Variants in GRIK3 observed in about 807,000 individuals in gnomAD.
GRIK3 encodes the protein glutamate receptor ionotropic, kainate 3.
GRIK3 carries 29 observed loss-of-function variants against 102.5 expected under a neutral mutation model. The observed-to-expected ratio is 0.28, with a 90% CI of 0.21 to 0.39. The LOEUF (loss-of-function observed/expected upper bound fraction) is 0.39. Among genes scored for constraint, GRIK3 ranks in the 10% least tolerant of loss-of-function variants. The probability of loss-of-function intolerance (pLI) is 1.00; values close to 1 mark genes in which losing one functional copy is unlikely to be tolerated. For synonymous variants in GRIK3, 511 were observed against 504.9 expected (o/e 1.01, Z -0.16); for missense variants, 908 against 1,252.4 (o/e 0.73, Z 4.15).
intron 5 of GRIK3, among the ~76,000 whole-genome samples, chr1:36,863,517 A>C (rs1042969455): frequency 6.6e-6 from 1 of 151,546 alleles, no homozygotes; most frequent in Non-Finnish European, 1.5e-5. Context: ...TCAGGCCTTA[A>C]TTTTCCCAGT....
At chr1:36,940,588 G>A (rs1005813204) in intron 1 of GRIK3, among the ~76,000 whole-genome samples, 5 of 152,184 alleles carry the variant, frequency 3.3e-5, no homozygotes, top group African/African-American at 9.7e-5. Flanking sequence ...ATAACACTAC[G>A]AGTCTTGCTG....
intron 3 of GRIK3, among the ~76,000 whole-genome samples, chr1:36,879,995 G>A (rs1037715775): frequency 1.3e-5 from 2 of 152,184 alleles, no homozygotes; most frequent in Non-Finnish European, 2.9e-5. Flanking sequence ...TGTGGGTAGA[G>A]AAGAGTGTGT....
chr1:37,014,014 C>T (rs770563989), intron 1 of GRIK3, among the ~76,000 whole-genome samples: 1 of 152,206 alleles, frequency 6.6e-6, no homozygotes, highest in Non-Finnish European at 1.5e-5. Context: ...ACCTCAAGGC[C>T]TCATACGCTC....
At chr1:36,895,406 A>T (rs1459904812) in intron 1 of GRIK3, among the ~76,000 whole-genome samples, 1 of 152,162 alleles carries the variant, frequency 6.6e-6, no homozygotes, top group African/African-American at 2.4e-5. Flanking sequence ...ATGCAAGAAC[A>T]GATAGGCAAA....
chr1:36,810,227 C>T lies in GRIK3; in HGVS notation c.2092-3901G>A, dbSNP rs1054592471. Among the ~76,000 whole-genome samples the T allele has an allele frequency of 2.0e-5, 3 of 152,098 alleles. No homozygotes were observed. In the South Asian group the frequency reaches 6.2e-4, roughly 32 times the overall value. On this transcript the variant is annotated intron_variant, in intron 13 of 15. Transcript: ENST00000373091. ...TCTCTGGGAGAGTTCCCATCACAGGCCTGAGTTCCCATCACTGGCCAGAGC... is the reference window on the plus strand; with the variant it reads ...TCTCTGGGAGAGTTCCCATCACAGGTCTGAGTTCCCATCACTGGCCAGAGC...
Position 36,798,763 on chromosome 1 carries a change from G to T in GRIK3, c.*3088C>A, listed in dbSNP as rs926345618. 1 of 152,234 alleles carries T rather than the reference G, an allele frequency of 6.6e-6. No individual in the cohort carries two copies. The highest frequency in any genetic ancestry group is 1.5e-5 in the Non-Finnish European group (1 of 68,046). 9.4% of individuals were successfully genotyped at this position (152,234 alleles called of 1,614,324 possible). A position where few individuals can be genotyped will look rare whatever the true frequency, so the allele number is the denominator to read the frequency against. The stretch of plus-strand genomic sequence containing the variant: ...CACACCGACAACACCTGAACATCAG[G>T]ACGCAAGGTTTGCCTGGGAGAGGAG... On this transcript the variant is annotated 3_prime_UTR_variant, in exon 16 of 16. Transcript: ENST00000373091.
chr1:36,814,954 C>A (rs1258456070), intron 13 of GRIK3, among the ~76,000 whole-genome samples: 1 of 152,170 alleles, frequency 6.6e-6, no homozygotes, highest in Non-Finnish European at 1.5e-5. Context: ...TGTCCAAGCA[C>A]AAATACACAC....
intron 5 of GRIK3, among the ~76,000 whole-genome samples, chr1:36,863,526 G>T (rs1441172016): frequency 1.3e-5 from 2 of 151,954 alleles, no homozygotes; most frequent in Non-Finnish European, 2.9e-5. Flanking sequence ...AATTTTCCCA[G>T]TCTCGCTGGC....
intron 11 of GRIK3, among the ~76,000 whole-genome samples, chr1:36,822,268 CA>C (rs1482823507): frequency 1.3e-5 from 2 of 152,332 alleles, no homozygotes; most frequent in African/African-American, 2.4e-5. Flanking sequence ...GATGAAGTTC[CA>C]GGGGTGGAAC....
chr1:37,004,856 C>G (rs1642515679), intron 1 of GRIK3, among the ~76,000 whole-genome samples: 1 of 152,206 alleles, frequency 6.6e-6, no homozygotes, highest in African/African-American at 2.4e-5. Context: ...CCGCTGTGTT[C>G]CCACCTGCAG....
Position 36,798,667 on chromosome 1 carries a change from C to A in GRIK3, c.*3184G>T. On this transcript the variant is annotated 3_prime_UTR_variant, in exon 16 of 16. Coordinates refer to ENST00000373091, the MANE Select transcript of GRIK3 (RefSeq NM_000831.4). The stretch of plus-strand genomic sequence containing the variant: ...GCTCATGCTTGGGCAGCTGTGGTCC[C>A]CACTGCACTTTGAACACTAGGCTGG... 6.6e-6 allele frequency: 1 copy of A among 152,368 alleles called. No homozygotes were observed. 9.4% of individuals were successfully genotyped at this position (152,368 alleles called of 1,614,324 possible). A position where few individuals can be genotyped will look rare whatever the true frequency, so the allele number is the denominator to read the frequency against.
intron 1 of GRIK3, among the ~76,000 whole-genome samples, chr1:36,987,665 T>C (rs1055174990): frequency 5.9e-5 from 9 of 152,086 alleles, no homozygotes; most frequent in African/African-American, 1.7e-4. Context: ...CCATGGACTC[T>C]TGGGTGCTTG....
rs1196889592 is a variant in GRIK3 at position 36,800,505 on chromosome 1, C to T, written c.*1346G>A. ...TACTTCTCTGCTGTCTTCCCCAAGCCCCACAATGCCATAGCTGCTCTGGAC... is the reference window on the plus strand; with the variant it reads ...TACTTCTCTGCTGTCTTCCCCAAGCTCCACAATGCCATAGCTGCTCTGGAC... On this transcript the variant is annotated 3_prime_UTR_variant, in exon 16 of 16. Coordinates refer to ENST00000373091, the MANE Select transcript of GRIK3 (RefSeq NM_000831.4). The T allele has an allele frequency of 1.3e-5, 2 of 152,298 alleles. No individual in the cohort carries two copies. Among genetic ancestry groups the T allele is most frequent in the Non-Finnish European group, 2.9e-5 (2 of 68,088 alleles). 9.4% of individuals were successfully genotyped at this position (152,298 alleles called of 1,614,324 possible). A position where few individuals can be genotyped will look rare whatever the true frequency, so the allele number is the denominator to read the frequency against.
intron 1 of GRIK3, among the ~76,000 whole-genome samples, chr1:37,011,204 C>T (rs1642593112): frequency 6.6e-6 from 1 of 152,156 alleles, no homozygotes; most frequent in Non-Finnish European, 1.5e-5. Flanking sequence ...GGGTAAGATG[C>T]TAGACCTAAA....
intron 1 of GRIK3, among the ~76,000 whole-genome samples, chr1:36,916,897 G>T (rs960463034): frequency 6.6e-6 from 1 of 152,222 alleles, no homozygotes; most frequent in Non-Finnish European, 1.5e-5. Flanking sequence ...ACCTAGTGGA[G>T]CTATGAGAAG....
Position 36,873,917 on chromosome 1 carries a change from C to G in GRIK3, c.551-1548G>C, listed in dbSNP as rs77429386. On this transcript the variant is annotated intron_variant, in intron 3 of 15. Transcript: ENST00000373091. ...AAGTCCAGGGTCCCCACGTAGACCTCGAGAAGGATTCCACCAGGACAGATG... is the reference window on the plus strand; with the variant it reads ...AAGTCCAGGGTCCCCACGTAGACCTGGAGAAGGATTCCACCAGGACAGATG... Among the ~76,000 whole-genome samples, 153 of 152,238 alleles carry G rather than the reference C, an allele frequency of 1.0e-3. 2 individuals are homozygous for G. Among genetic ancestry groups the G allele is most frequent in the Admixed American group, 7.5e-3 (115 of 15,302 alleles).
intron 1 of GRIK3, among the ~76,000 whole-genome samples, chr1:36,999,263 G>T (rs986603450): frequency 1.3e-5 from 2 of 152,146 alleles, no homozygotes; most frequent in African/African-American, 4.8e-5. Context: ...TCTGGGAAAG[G>T]TGCCCAGGTG....
chr1:36,962,518 C>T (rs1377042330), intron 1 of GRIK3, among the ~76,000 whole-genome samples: 2 of 151,830 alleles, frequency 1.3e-5, no homozygotes, highest in Non-Finnish European at 2.9e-5. Context: ...GGCCAAGAAA[C>T]CCAGAAGACC....
intron 1 of GRIK3, among the ~76,000 whole-genome samples, chr1:37,030,189 C>T (rs562417549): frequency 5.8e-4 from 89 of 152,326 alleles, no homozygotes; most frequent in Middle Eastern, 3.4e-3. Context: ...TATTTACTTC[C>T]AGGGGGGAAA....
Sources: gnomAD v4.1 joint callset for allele counts (sites outside exome capture counted in the v4.1 genomes callset) on GRCh38, gnomAD v4.1.1 for gene constraint, MANE v1.5 for transcripts, NCBI Gene and HGNC (gene_info 2026-07-23, HGNC 2026-07-21) for gene names.